Variants in CADPS2 observed in about 807,000 individuals in gnomAD.
CADPS2 encodes calcium dependent secretion activator 2.
A neutral mutation model predicts 172.5 loss-of-function variants in CADPS2; 93 were observed. The observed-to-expected ratio is 0.54, with a 90% CI of 0.46 to 0.64. The LOEUF (loss-of-function observed/expected upper bound fraction) is 0.64. Ranked by LOEUF, CADPS2 falls within the 30% of genes least tolerant of loss-of-function variation. The probability of loss-of-function intolerance (pLI) is 0.00; values close to 1 mark genes in which losing one functional copy is unlikely to be tolerated. For missense variants in CADPS2, 1,420 were observed against 1,565.9 expected, an observed-to-expected ratio of 0.91 and a Z score of 1.57; for synonymous variants, 546 against 555.2, an observed-to-expected ratio of 0.98 and a Z score of 0.23.
chr7:122,788,752 T>C (rs1794625436), intron 1 of CADPS2, among the ~76,000 whole-genome samples: 1 of 152,158 alleles, frequency 6.6e-6, no homozygotes, highest in Non-Finnish European at 1.5e-5. Flanking sequence ...TGATTGAGTT[T>C]AGGTTCAAGC....
chr7:122,836,493 TTAAGAGTCAAGACCCATCAGTGTGC>T (rs894602488), intron 1 of CADPS2, among the ~76,000 whole-genome samples: 2 of 152,048 alleles, frequency 1.3e-5, no homozygotes, highest in African/African-American at 4.8e-5. Context: ...GCAAATTGGA[TTAAGAGTCAAGACCCATCAGTGTGC>T]TGTCTTCAGG....
chr7:122,763,802 A>G (rs1183487663), intron 1 of CADPS2, among the ~76,000 whole-genome samples: 1 of 152,158 alleles, frequency 6.6e-6, no homozygotes, highest in Non-Finnish European at 1.5e-5. Flanking sequence ...AAATTATGAA[A>G]GCAGAAACAT....
At chr7:122,738,319 G>A (rs1412064006) in intron 1 of CADPS2, among the ~76,000 whole-genome samples, 7 of 151,932 alleles carry the variant, frequency 4.6e-5, no homozygotes, top group Non-Finnish European at 7.4e-5. Context: ...GCCCTTCTAG[G>A]CACTAAGCCC....
intron 1 of CADPS2, among the ~76,000 whole-genome samples, chr7:122,807,166 G>A (rs1014848561): frequency 2.6e-5 from 4 of 152,298 alleles, no homozygotes; most frequent in African/African-American, 9.6e-5. Flanking sequence ...CTACCCCAGC[G>A]GTATGCCCCA....
chr7:122,845,782 C>T (rs1158275453), intron 1 of CADPS2, among the ~76,000 whole-genome samples: 1 of 152,128 alleles, frequency 6.6e-6, no homozygotes. Context: ...TTGGGGGCTA[C>T]AAGCAACAGG....
chr7:122,708,520 G>GATAT (rs57522086), intron 2 of CADPS2, among the ~76,000 whole-genome samples: 74 of 116,386 alleles, frequency 6.4e-4, no homozygotes, highest in African/African-American at 1.3e-3. Flanking sequence ...TTGTATTCGA[G>GATAT]ATATATATAT....
chr7:122,602,259 G>A (rs1389673049), intron 6 of CADPS2, among the ~76,000 whole-genome samples: 3 of 151,870 alleles, frequency 2.0e-5, no homozygotes, highest in Non-Finnish European at 4.4e-5. Context: ...GAGATGGGAG[G>A]TGTAGGGCAT....
Position 122,663,377 on chromosome 7 carries a change from C to T in CADPS2, c.646G>A (p.Asp216Asn), listed in dbSNP as rs1175255519. 6.2e-7 allele frequency: 1 copy of T among 1,613,908 alleles called. No homozygotes were observed. The highest frequency in any genetic ancestry group is 8.5e-7 in the Non-Finnish European group (1 of 1,179,888). The change falls in exon 3 of 30, where the codon GAC becomes AAC. Residue 216 changes from aspartate to asparagine, a missense_variant. Transcript: ENST00000449022. Reference protein sequence around the residue: ...KYDAIYRGEEDLCKQPNRMAL... With the variant: ...KYDAIYRGEENLCKQPNRMAL... ...ATTCTATTTGGCTGTTTGCACAAGT[C>T]CTCTTCACCTCTGTAAATGGCATCA...
chr7:122,654,023 G>C (rs11765061), intron 3 of CADPS2, among the ~76,000 whole-genome samples: 26,427 of 152,152 alleles, frequency 0.17, 3,080 homozygotes, highest in Non-Finnish European at 0.26. Context: ...TCAAAAGCTA[G>C]AAAGGATTAA....
chr7:122,435,978 G>C (rs1208349365), intron 17 of CADPS2, among the ~76,000 whole-genome samples: 3 of 152,066 alleles, frequency 2.0e-5, no homozygotes, highest in Non-Finnish European at 4.4e-5. Flanking sequence ...AAGAGAACAT[G>C]AAGCGGTATT....
chr7:122,321,273 C>G (rs554167615), intron 29 of CADPS2, among the ~76,000 whole-genome samples: 63 of 152,236 alleles, frequency 4.1e-4, no homozygotes, highest in African/African-American at 1.4e-3. Context: ...CTGAAGCAAT[C>G]CTGCCACCTT....
At position 122,435,619 on chromosome 7, in the gene CADPS2, T is replaced by C. The variant is rs140972925; in HGVS notation, c.2476+2722A>G. ...CTATGAAAAATAGTATGGAGGCTTC[T>C]GTAAAAATAAAATATGGAACTCCAA... On this transcript the variant is annotated intron_variant, in intron 17 of 29. Coordinates refer to ENST00000449022, the MANE Select transcript of CADPS2 (RefSeq NM_017954.11). Among the ~76,000 whole-genome samples, 853 of 152,270 alleles carry C rather than the reference T, an allele frequency of 5.6e-3. 7 individuals are homozygous for C. The highest frequency in any genetic ancestry group is 0.02 in the African/African-American group (811 of 41,566).
chr7:122,337,975 A>G (rs966114114), intron 28 of CADPS2, among the ~76,000 whole-genome samples: 1 of 152,248 alleles, frequency 6.6e-6, no homozygotes, highest in Non-Finnish European at 1.5e-5. Flanking sequence ...GCTAAGTAAC[A>G]GATTGCTACA....
chr7:122,836,279 G>A (rs957609715), intron 1 of CADPS2, among the ~76,000 whole-genome samples: 7 of 152,166 alleles, frequency 4.6e-5, no homozygotes, highest in African/African-American at 1.4e-4. Flanking sequence ...CCTGAAGGAA[G>A]CACTAAACAT....
intron 2 of CADPS2, among the ~76,000 whole-genome samples, chr7:122,730,253 A>G (rs1194206661): frequency 1.3e-5 from 2 of 151,708 alleles, no homozygotes; most frequent in Non-Finnish European, 3.0e-5. Context: ...CTAATAGCAA[A>G]TAATAATAAT....
intron 23 of CADPS2, among the ~76,000 whole-genome samples, chr7:122,387,756 C>A (rs1167957454): frequency 2.0e-5 from 3 of 151,954 alleles, no homozygotes; most frequent in Admixed American, 2.0e-4. Flanking sequence ...CTGAAGTATC[C>A]TATGAAAATC....
At chr7:122,642,486 T>A (rs1255278966) in intron 3 of CADPS2, among the ~76,000 whole-genome samples, 1 of 151,168 alleles carries the variant, frequency 6.6e-6, no homozygotes, top group Non-Finnish European at 1.5e-5. Context: ...GGCAGCCAAC[T>A]ATCCTACAAT....
chr7:122,458,690 G>T (rs2054092251), intron 14 of CADPS2, among the ~76,000 whole-genome samples: 1 of 152,096 alleles, frequency 6.6e-6, no homozygotes, highest in South Asian at 2.1e-4. Flanking sequence ...AAAGATCTAA[G>T]ATCATATTAC....
chr7:122,398,187 T>C (rs1295205880), intron 20 of CADPS2, among the ~76,000 whole-genome samples: 1 of 152,214 alleles, frequency 6.6e-6, no homozygotes, highest in Non-Finnish European at 1.5e-5. Flanking sequence ...GTACTTGTCA[T>C]AGGCTTTTAG....
Sources: allele counts gnomAD v4.1 joint callset (sites outside exome capture counted in the v4.1 genomes callset), GRCh38; gene constraint gnomAD v4.1.1; transcripts MANE v1.5; gene names NCBI Gene and HGNC (gene_info 2026-07-23, HGNC 2026-07-21).